PTPN3: variants seen among roughly 807,000 people sequenced by gnomAD.
PTPN3 encodes protein tyrosine phosphatase non-receptor type 3.
A neutral mutation model predicts 132.7 loss-of-function variants in PTPN3; 96 were observed. The ratio of observed to expected loss-of-function variants is 0.72; its 90% CI spans 0.61 to 0.86. The LOEUF (loss-of-function observed/expected upper bound fraction) is 0.86. Among genes scored for constraint, PTPN3 ranks in the 40% least tolerant of loss-of-function variants. The pLI, the probability that PTPN3 is intolerant of heterozygous loss-of-function variation, is 0.00. For missense variants in PTPN3, 1,125 were observed against 1,159.6 expected (o/e 0.97, Z 0.43); for synonymous variants, 398 against 429.0 (o/e 0.93, Z 0.89).
chr9:109,434,698 G>A lies in PTPN3; in HGVS notation c.676-1537C>T, dbSNP rs1434578176. Among the ~76,000 whole-genome samples the A allele has an allele frequency of 2.6e-5, 4 of 152,190 alleles. No individual in the cohort carries two copies. The East Asian group carries it at 5.8e-4, about 22-fold the overall frequency. On this transcript the variant is annotated intron_variant, in intron 9 of 25. Coordinates refer to ENST00000374541, the MANE Select transcript of PTPN3 (RefSeq NM_002829.4). ...GTCTGGCACCTACTAGCTATATAATGTTGGGCTCCTGAGGCTCAATTTTTC... is the reference window on the plus strand; with the variant it reads ...GTCTGGCACCTACTAGCTATATAATATTGGGCTCCTGAGGCTCAATTTTTC...
intron 19 of PTPN3, among the ~76,000 whole-genome samples, chr9:109,402,901 T>C (rs1452163876): frequency 2.6e-5 from 4 of 152,008 alleles, no homozygotes; most frequent in East Asian, 1.9e-4. Context: ...CAAAACTGCA[T>C]CTCTACAAAA....
rs182985578 is a variant in PTPN3 at position 109,490,047 on chromosome 9, G to T, written c.-18+8172C>A. On this transcript the variant is annotated intron_variant, in intron 1 of 25. Coordinates refer to ENST00000374541, the MANE Select transcript of PTPN3 (RefSeq NM_002829.4). ...AAATACAAAAAATTAGCTGGGCGTG[G>T]TCGTGGACACCTGTAATCTCAGTTA... Among the ~76,000 whole-genome samples, 229 of 152,096 alleles carry T rather than the reference G, an allele frequency of 1.5e-3. 1 individual carries two copies. The Middle Eastern group carries it at 0.038, about 25-fold the overall frequency.
At chr9:109,449,323 G>C in intron 5 of PTPN3, 1 of 988,100 alleles carries the variant, frequency 1.0e-6, no homozygotes, top group Non-Finnish European at 1.2e-6. Context: ...AAGGAGGGGA[G>C]TCTGTGAAGA....
At chr9:109,531,242 C>T in the PTPN3 span, among the ~76,000 whole-genome samples, 1 of 152,172 alleles carries the variant, frequency 6.6e-6, no homozygotes. Flanking sequence ...AGTTATATCT[C>T]AATAATATCT....
chr9:109,381,659 T>C lies in PTPN3; in HGVS notation c.2657A>G (p.Gln886Arg). ...KMRDQRAMMV[Q>R]TSSQYKFVCE... ...TACTGGATTTCTACTCACTGATGTC[T>C]GCACCATCATGGCGCGCTGGTCTCG... The change falls in exon 25 of 26, where the codon CAG (glutamine) becomes CGG (arginine). Residue 886 changes from glutamine (Q) to arginine (R), a missense_variant. Transcript: ENST00000374541. The C allele has an allele frequency of 6.2e-7, 1 of 1,614,246 alleles. No individual in the cohort carries two copies. Among genetic ancestry groups the C allele is most frequent in the Admixed American group, 1.7e-5 (1 of 60,030 alleles).
the PTPN3 span, among the ~76,000 whole-genome samples, chr9:109,516,118 A>C: frequency 6.6e-6 from 1 of 152,208 alleles, no homozygotes; most frequent in East Asian, 1.9e-4. Flanking sequence ...CATCTGTCCT[A>C]GGTCCACTCT....
chr9:109,397,238 T>G (rs968161129), intron 19 of PTPN3, among the ~76,000 whole-genome samples: 1 of 152,226 alleles, frequency 6.6e-6, no homozygotes, highest in African/African-American at 2.4e-5. Flanking sequence ...ATTATCTTTA[T>G]GGGGACAGGA....
At chr9:109,479,423 T>G (rs1373848895) in intron 1 of PTPN3, among the ~76,000 whole-genome samples, 1 of 152,260 alleles carries the variant, frequency 6.6e-6, no homozygotes, top group Non-Finnish European at 1.5e-5. Flanking sequence ...ATTGGACATT[T>G]GGGTTGTTTC....
At chr9:109,491,673 G>T (rs1847467846) in intron 1 of PTPN3, among the ~76,000 whole-genome samples, 1 of 152,180 alleles carries the variant, frequency 6.6e-6, no homozygotes, top group Admixed American at 6.5e-5. Context: ...AGAGAGATCT[G>T]GTGGCATGAA....
At chr9:109,461,146 A>C (rs1564463934) in intron 2 of PTPN3, among the ~76,000 whole-genome samples, 1 of 152,246 alleles carries the variant, frequency 6.6e-6, no homozygotes. Context: ...ATCAGATACA[A>C]GACAAGGTTC....
chr9:109,498,672 T>C (rs555114683), upstream of PTPN3, among the ~76,000 whole-genome samples: 5 of 152,266 alleles, frequency 3.3e-5, no homozygotes, highest in African/African-American at 1.2e-4. This position sits in a 1 kb window ranked among gnomAD's most constrained non-coding sequence, Gnocchi z 4.2. Flanking sequence ...CCCGCTGACT[T>C]CCAGTCCAGT....
chr9:109,415,409 AT>A (rs1486055735), intron 14 of PTPN3, among the ~76,000 whole-genome samples: 1 of 152,212 alleles, frequency 6.6e-6, no homozygotes, highest in Non-Finnish European at 1.5e-5. Context: ...GAAAAAAGGC[AT>A]TCTGGCAAAA....
intron 19 of PTPN3, among the ~76,000 whole-genome samples, chr9:109,398,461 T>G (rs1440258668): frequency 1.3e-5 from 2 of 152,174 alleles, no homozygotes; most frequent in South Asian, 4.1e-4. Context: ...ATGGGCAATG[T>G]AGGAGTAAGT....
chr9:109,535,401 C>T, the PTPN3 span, among the ~76,000 whole-genome samples: 1 of 152,214 alleles, frequency 6.6e-6, no homozygotes, highest in Non-Finnish European at 1.5e-5. Context: ...TCCTTACTAG[C>T]TCTCCCACTT....
In PTPN3 at chr9:109,427,054, T is replaced by C. The variant is rs773428841; in HGVS notation, c.897A>G (p.Lys299=). 1.2e-6 allele frequency: 2 copies of C among 1,614,032 alleles called. No homozygotes were observed. Among genetic ancestry groups the C allele is most frequent in the Non-Finnish European group, 1.7e-6 (2 of 1,179,902 alleles). Residue 299 remains lysine (K), a synonymous_variant, in exon 12 of 26, where the codon AAA becomes AAG. Coordinates refer to ENST00000374541, the MANE Select transcript of PTPN3 (RefSeq NM_002829.4). ...LNYRSCKNLW[K]SCVEHHTFFQ... ...AGAACGTATGGTGCTCAACACAGGA[T>C]TTCCACAAGTTTTTGCAAGATCGGT...
chr9:109,502,902 G>C (rs1434838206), upstream of PTPN3, among the ~76,000 whole-genome samples: 4 of 152,148 alleles, frequency 2.6e-5, no homozygotes, highest in African/African-American at 9.7e-5. Context: ...TAGAAAAACT[G>C]CACCAAAATA....
At chr9:109,494,051 T>G (rs1847575962) in intron 1 of PTPN3, among the ~76,000 whole-genome samples, 1 of 152,084 alleles carries the variant, frequency 6.6e-6, no homozygotes, top group Non-Finnish European at 1.5e-5. Context: ...CACAGTGGCA[T>G]TGCTCCCATC....
intron 10 of PTPN3, among the ~76,000 whole-genome samples, chr9:109,432,393 C>A (rs1843725990): frequency 1.3e-5 from 2 of 152,112 alleles, no homozygotes; most frequent in African/African-American, 4.8e-5. Context: ...GCATCTCCTG[C>A]CGTCTATGGC....
rs2131560923 is a variant in PTPN3, at chr9:109,377,422, ACACAC to A, written c.*2129_*2133del. On this transcript the variant is annotated 3_prime_UTR_variant, in exon 26 of 26. Transcript: ENST00000374541. ...CACACACACACACACACACACACAC[ACACAC>A]ACACACACACACACACACACACACA... 6.8e-6 allele frequency: 1 copy of A among 147,534 alleles called. No individual in the cohort carries two copies. The highest frequency in any genetic ancestry group is 2.5e-5 in the African/African-American group (1 of 39,564). 9.1% of individuals were successfully genotyped at this position (147,534 alleles called of 1,614,324 possible). A position where few individuals can be genotyped will look rare whatever the true frequency, so the allele number is the denominator to read the frequency against.
Sources: gnomAD v4.1 joint callset for allele counts (sites outside exome capture counted in the v4.1 genomes callset) on GRCh38, gnomAD v4.1.1 for gene constraint, Gnocchi (gnomAD v3.1) non-coding constraint, MANE v1.5 for transcripts, NCBI Gene and HGNC (gene_info 2026-07-23, HGNC 2026-07-21) for gene names.